Variants in NOX4 observed in about 807,000 individuals in gnomAD.
NOX4 encodes kidney oxidase-1.
A neutral mutation model predicts 87.6 loss-of-function variants in NOX4; 69 were observed. That is an observed-to-expected ratio of 0.79 (90% CI 0.65 to 0.96). The LOEUF (loss-of-function observed/expected upper bound fraction) is 0.96. Ranked by LOEUF, NOX4 falls within the 40% of genes least tolerant of loss-of-function variation. The pLI is 0.00. For missense variants in NOX4, 680 were observed against 681.5 expected, an observed-to-expected ratio of 1.00 and a Z score of 0.02; for synonymous variants, 275 against 238.2, an observed-to-expected ratio of 1.15 and a Z score of -1.42.
chr11:89,500,847 AT>A, upstream of NOX4, among the ~76,000 whole-genome samples: 1 of 152,100 alleles, frequency 6.6e-6, no homozygotes, highest in East Asian at 1.9e-4. Context: ...AAGGCACCGT[AT>A]TTTAGGTTAC....
intron 14 of NOX4, among the ~76,000 whole-genome samples, chr11:89,340,957 CT>C (rs1945969498): frequency 6.6e-6 from 1 of 151,660 alleles, no homozygotes; most frequent in Admixed American, 6.6e-5. Flanking sequence ...TTTATTATTG[CT>C]TTTTTGGTTC....
chr11:89,350,977 G>A (rs145105128), intron 13 of NOX4, among the ~76,000 whole-genome samples: 2,481 of 152,278 alleles, frequency 0.016, 67 homozygotes, highest in African/African-American at 0.055. Flanking sequence ...AATTGGACAC[G>A]ATTAAACTTA....
At chr11:89,468,766 A>C (rs1447894197) in intron 2 of NOX4, among the ~76,000 whole-genome samples, 1 of 152,124 alleles carries the variant, frequency 6.6e-6, no homozygotes. Flanking sequence ...TTATTTTTAG[A>C]GACAGTCTCA....
At position 89,449,624 on chromosome 11, in the gene NOX4, G is replaced by A. The variant is rs772204156; in HGVS notation, c.265-100C>T. On this transcript the variant is annotated intron_variant, in intron 3 of 17. Coordinates refer to ENST00000263317, the MANE Select transcript of NOX4 (RefSeq NM_016931.5). The stretch of plus-strand genomic sequence containing the variant: ...ATTATGTCAAAATTTTTAAAATATG[G>A]CGGAAGCCTATTAATCAAAAATTGG... 3.1e-4 allele frequency: 259 copies of A among 839,926 alleles called. 2 individuals are homozygous for A. Among genetic ancestry groups the A allele is most frequent in the Non-Finnish European group, 1.5e-4 (83 of 538,076 alleles). The allele number at this position is 839,926 out of a possible 1,614,324, so 52.0% of individuals were successfully genotyped here. A position where few individuals can be genotyped will look rare whatever the true frequency, so the allele number is the denominator to read the frequency against.
chr11:89,564,362 A>G, the NOX4 span, among the ~76,000 whole-genome samples: 1 of 152,118 alleles, frequency 6.6e-6, no homozygotes, highest in African/African-American at 2.4e-5. Context: ...GGAGGAAGAG[A>G]GCAAAGGGGA....
intron 12 of NOX4, among the ~76,000 whole-genome samples, chr11:89,355,468 A>G (rs1937972863): frequency 6.6e-6 from 1 of 150,902 alleles, no homozygotes; most frequent in Admixed American, 6.6e-5. Context: ...TTTTTCCTTA[A>G]TGGTAACATA....
intron 13 of NOX4, among the ~76,000 whole-genome samples, chr11:89,345,853 A>G (rs556909302): frequency 2.0e-4 from 31 of 152,276 alleles, no homozygotes; most frequent in Admixed American, 5.2e-4. Flanking sequence ...CTGAATTGGC[A>G]AAAGGTGGAT....
chr11:89,465,165 G>A (rs1945622315), intron 2 of NOX4, among the ~76,000 whole-genome samples: 1 of 151,750 alleles, frequency 6.6e-6, no homozygotes, highest in Non-Finnish European at 1.5e-5. Flanking sequence ...ACAAGCCCCA[G>A]TTTGTGTGCC....
intron 12 of NOX4, among the ~76,000 whole-genome samples, chr11:89,359,343 C>T (rs974850136): frequency 1.3e-5 from 2 of 150,172 alleles, no homozygotes; most frequent in Non-Finnish European, 3.0e-5. Context: ...ATACCAAATG[C>T]AATAAGGATT....
the NOX4 span, among the ~76,000 whole-genome samples, chr11:89,529,934 A>T: frequency 1.6e-4 from 24 of 152,170 alleles, no homozygotes; most frequent in African/African-American, 5.6e-4. Context: ...TTATTGCTTT[A>T]CACATAGATA....
intron 6 of NOX4, among the ~76,000 whole-genome samples, chr11:89,437,901 G>T (rs1011054951): frequency 6.6e-6 from 1 of 151,750 alleles, no homozygotes; most frequent in Non-Finnish European, 1.5e-5. Flanking sequence ...ATTATCTCTC[G>T]GTTACTTACA....
At chr11:89,579,930 A>T in the NOX4 span, among the ~76,000 whole-genome samples, 1 of 152,068 alleles carries the variant, frequency 6.6e-6, no homozygotes, top group African/African-American at 2.4e-5. Flanking sequence ...AAAAAAGACC[A>T]TTTAGAAGAT....
At chr11:89,339,619 A>G (rs549005852) in intron 15 of NOX4, among the ~76,000 whole-genome samples, 1 of 152,288 alleles carries the variant, frequency 6.6e-6, no homozygotes, top group South Asian at 2.1e-4. Flanking sequence ...TGAGATTTGT[A>G]TAGTATACCA....
intron 11 of NOX4, among the ~76,000 whole-genome samples, chr11:89,377,440 T>TG (rs766722262): frequency 6.6e-6 from 1 of 152,166 alleles, no homozygotes; most frequent in Non-Finnish European, 1.5e-5. Flanking sequence ...ACAACAGATC[T>TG]GGAGAAATAC....
intron 13 of NOX4, among the ~76,000 whole-genome samples, chr11:89,354,527 A>G (rs1159495337): frequency 1.3e-5 from 2 of 152,224 alleles, no homozygotes; most frequent in Admixed American, 6.5e-5. Context: ...AATCATAAGA[A>G]TATGTAGAGA....
At chr11:89,500,816 G>A (rs1947008526), upstream of NOX4, among the ~76,000 whole-genome samples, 1 of 152,068 alleles carries the variant, frequency 6.6e-6, no homozygotes, top group Non-Finnish European at 1.5e-5. Flanking sequence ...TTAATGTTAT[G>A]AGAAATAAAC....
At position 89,328,701 on chromosome 11, in the gene NOX4, T is replaced by C. The variant is rs140914180; in HGVS notation, c.1617-1825A>G. ...CCCATCCAAAGCCCGTAGGTTGAAG[T>C]TCTAATCCTCAGTGCTTCAGGATGT... On this transcript the variant is annotated intron_variant, in intron 17 of 17. Coordinates refer to ENST00000263317, the MANE Select transcript of NOX4 (RefSeq NM_016931.5). 2.7e-4 allele frequency among the ~76,000 whole-genome samples: 41 copies of C among 152,230 alleles called. No individual in the cohort carries two copies. In the East Asian group the frequency reaches 7.0e-3, roughly 26 times the overall value.
At chr11:89,588,791 C>T in the NOX4 span, among the ~76,000 whole-genome samples, 130 of 152,174 alleles carry the variant, frequency 8.5e-4, no homozygotes, top group African/African-American at 3.0e-3. Flanking sequence ...AATCTGTAGG[C>T]GTGATTGAGA....
intron 2 of NOX4, among the ~76,000 whole-genome samples, chr11:89,455,950 G>T (rs1482392728): frequency 1.3e-5 from 2 of 151,808 alleles, no homozygotes; most frequent in Admixed American, 6.6e-5. Context: ...AAGAGGCAAT[G>T]GTTAACAGGT....
Sources: gnomAD v4.1 joint callset for allele counts (sites outside exome capture counted in the v4.1 genomes callset) on GRCh38, gnomAD v4.1.1 for gene constraint, MANE v1.5 for transcripts, NCBI Gene and HGNC (gene_info 2026-07-23, HGNC 2026-07-21) for gene names.